The following ZNF583 variants were observed in gnomAD, a reference collection of about 807,000 sequenced individuals.
ZNF583 encodes the protein zinc finger protein 583.
Under a neutral mutation model 55.3 loss-of-function variants are expected in ZNF583, and 30 were observed. The ratio of observed to expected loss-of-function variants is 0.54; its 90% CI spans 0.41 to 0.74. The LOEUF is 0.74. ZNF583 is among the 30% of genes least tolerant of loss of function. The pLI, the probability that ZNF583 is intolerant of heterozygous loss-of-function variation, is 0.00. For synonymous variants in ZNF583, 208 were observed against 220.0 expected, an observed-to-expected ratio of 0.95 and a Z score of 0.48; for missense variants, 504 against 664.7, an observed-to-expected ratio of 0.76 and a Z score of 2.66.
Position 56,423,177 on chromosome 19 carries a change from A to G in ZNF583, c.519A>G (p.Ile173Met). The change falls in exon 5 of 5, where the codon ATA becomes ATG. Residue 173 changes from isoleucine (I) to methionine (M), a missense_variant. Ile to Met is a conservative substitution (Grantham distance 10). Around this residue, in one of 3 missense-constraint regions of ZNF583, gnomAD observed 204 missense variants for 235.2 expected, o/e 0.87. Transcript: ENST00000333201. ...TCCACCAGGATACAATCTTTGATATACAACAGAGTTTTCCCACCAAAGAAA... is the reference window on the plus strand; with the variant it reads ...TCCACCAGGATACAATCTTTGATATGCAACAGAGTTTTCCCACCAAAGAAA... Reference protein sequence around the residue: ...QTFHQDTIFDIQQSFPTKEKA... With the variant: ...QTFHQDTIFDMQQSFPTKEKA... 1 of 1,613,216 alleles carries G rather than the reference A, an allele frequency of 6.2e-7. No homozygotes were observed. The highest frequency in any genetic ancestry group is 8.5e-7 in the Non-Finnish European group (1 of 1,179,912).
chr19:56,410,608 A>G (rs183157707), intron 2 of ZNF583, among the ~76,000 whole-genome samples: 3 of 152,286 alleles, frequency 2.0e-5, no homozygotes, highest in Admixed American at 2.0e-4. Flanking sequence ...AAGCTGAGGC[A>G]GGAGAATTGC....
chr19:56,425,019 G>A lies in ZNF583; in HGVS notation c.*651G>A, dbSNP rs1461323102. The A allele has an allele frequency of 6.6e-6, 1 of 151,476 alleles. No individual in the cohort carries two copies. The allele number at this position is 151,476 out of a possible 1,614,324, so 9.4% of individuals were successfully genotyped here. A position where few individuals can be genotyped will look rare whatever the true frequency, so the allele number is the denominator to read the frequency against. On this transcript the variant is annotated 3_prime_UTR_variant, in exon 5 of 5. Coordinates refer to ENST00000333201, the MANE Select transcript of ZNF583 (RefSeq NM_152478.3). ...CATGATTATCTCAGAAATAAAAAGA[G>A]ATGCAGCAGCTCAGGACTGAGAGAT...
chr19:56,407,098 C>G lies in ZNF583; in HGVS notation c.-17C>G, dbSNP rs2042165810. ...AGTAGGACAGAAGAACTGTCAAATT[C>G]TGGAATCCTTAAAGCCATGTCCAAG... On this transcript the variant is annotated 5_prime_UTR_variant, in exon 2 of 5. Transcript: ENST00000333201. The G allele has an allele frequency of 6.2e-7, 1 of 1,614,018 alleles. No homozygotes were observed. Among genetic ancestry groups the G allele is most frequent in the African/African-American group, 1.3e-5 (1 of 74,926 alleles).
At chr19:56,422,750 T>C in intron 4 of ZNF583, 141 bp from the exon 5 acceptor site, 2 of 547,808 alleles carry the variant, frequency 3.7e-6, no homozygotes, top group South Asian at 6.5e-5. Context: ...AAATTCTTAT[T>C]ATTTATAATG....
intron 4 of ZNF583, among the ~76,000 whole-genome samples, chr19:56,418,534 A>T (rs976770305): frequency 2.6e-5 from 4 of 152,204 alleles, no homozygotes; most frequent in African/African-American, 9.6e-5. Flanking sequence ...AATAAATAGA[A>T]TTTTTTTTAA....
At chr19:56,422,498 T>G (rs981389123) in intron 4 of ZNF583, among the ~76,000 whole-genome samples, 1 of 152,154 alleles carries the variant, frequency 6.6e-6, no homozygotes, top group African/African-American at 2.4e-5. Flanking sequence ...CTGCCTACTG[T>G]TGTTTTTAGG....
At chr19:56,422,763 A>G (rs2147611465) in intron 4 of ZNF583, 128 bp from the exon 5 acceptor site, 1 of 587,890 alleles carries the variant, frequency 1.7e-6, no homozygotes, top group East Asian at 3.1e-5. Context: ...TTATAATGTC[A>G]TTATTTTAGA....
chr19:56,406,748 C>T (rs1044554843), intron 1 of ZNF583, among the ~76,000 whole-genome samples: 6 of 152,004 alleles, frequency 3.9e-5, no homozygotes, highest in African/African-American at 1.2e-4. Context: ...AGGATGGTCT[C>T]GATCTCCTGA....
rs745829424 is a variant in ZNF583 at position 56,404,625 on chromosome 19, G to T, written c.-90+173G>T. On this transcript the variant is annotated intron_variant, in intron 1 of 4. Coordinates refer to ENST00000333201, the MANE Select transcript of ZNF583 (RefSeq NM_152478.3). This position sits in a 1 kb window ranked among gnomAD's most constrained non-coding sequence, Gnocchi z 5.2. ...TGTGACTGTGTGAGAATTTGAGACC[G>T]TGTGTGACAGTGTGAGAATGTGAGG... Among the ~76,000 whole-genome samples, 5 of 152,168 alleles carry T rather than the reference G, an allele frequency of 3.3e-5. No homozygotes were observed. Among genetic ancestry groups the T allele is most frequent in the Admixed American group, 6.5e-5 (1 of 15,278 alleles).
At position 56,406,880 on chromosome 19, in the gene ZNF583, A is replaced by G. The variant is rs565271514; in HGVS notation, c.-89-146A>G. On this transcript the variant is annotated intron_variant, in intron 1 of 4. Transcript: ENST00000333201. ...ATGTGGGAAAAAGAATTGTAAATTT[A>G]GATATAAATGAATTGCTCAGTGATA... 6.2e-6 allele frequency: 3 copies of G among 483,750 alleles called. No homozygotes were observed. The East Asian group carries it at 9.8e-5, about 16-fold the overall frequency. The allele number at this position is 483,750 out of a possible 1,614,324, so 30.0% of individuals were successfully genotyped here. A position where few individuals can be genotyped will look rare whatever the true frequency, so the allele number is the denominator to read the frequency against.
At chr19:56,411,120 G>A (rs1447193319) in intron 2 of ZNF583, among the ~76,000 whole-genome samples, 4 of 139,618 alleles carry the variant, frequency 2.9e-5, no homozygotes, top group African/African-American at 8.1e-5. Flanking sequence ...GACATCATCT[G>A]TACCAAAAAA....
At chr19:56,410,216 T>C (rs2042216076) in intron 2 of ZNF583, among the ~76,000 whole-genome samples, 1 of 152,208 alleles carries the variant, frequency 6.6e-6, no homozygotes, top group Non-Finnish European at 1.5e-5. Context: ...AACACTTTAC[T>C]CCCACCCTGA....
At chr19:56,415,403 G>A (rs2042305029) in intron 4 of ZNF583, among the ~76,000 whole-genome samples, 1 of 152,036 alleles carries the variant, frequency 6.6e-6, no homozygotes, top group Non-Finnish European at 1.5e-5. Context: ...TTAGAAGATG[G>A]GGGCTCAGAA....
intron 4 of ZNF583, among the ~76,000 whole-genome samples, chr19:56,419,377 A>G (rs2042378719): frequency 1.3e-5 from 2 of 151,752 alleles, no homozygotes; most frequent in Non-Finnish European, 1.5e-5. Flanking sequence ...TGTATTTTTT[A>G]GTAGAGATGG....
chr19:56,413,936 A>G (rs1335796362), intron 2 of ZNF583, 23 bp from the exon 3 acceptor site: 1 of 1,613,856 alleles, frequency 6.2e-7, no homozygotes. Flanking sequence ...TAGTTGAGCA[A>G]GAATGTGTTT....
chr19:56,421,590 G>T, intron 4 of ZNF583: 1 of 775,998 alleles, frequency 1.3e-6, no homozygotes, highest in Non-Finnish European at 1.6e-6. Context: ...TAAGTTTAGT[G>T]GTAATATTCC....
intron 4 of ZNF583, among the ~76,000 whole-genome samples, chr19:56,417,217 G>C (rs2042340512): frequency 6.6e-6 from 1 of 152,100 alleles, no homozygotes; most frequent in African/African-American, 2.4e-5. Context: ...TACTTAAGAT[G>C]GAAGAACTGA....
chr19:56,407,506 G>A (rs145352705), intron 2 of ZNF583, among the ~76,000 whole-genome samples: 153 of 152,356 alleles, frequency 1.0e-3, no homozygotes, highest in African/African-American at 2.9e-3. Context: ...TTGAAAAGAA[G>A]GCAAGACAGG....
intron 1 of ZNF583, among the ~76,000 whole-genome samples, chr19:56,406,740 G>T (rs1242214844): frequency 6.6e-6 from 1 of 152,050 alleles, no homozygotes; most frequent in Admixed American, 6.5e-5. Flanking sequence ...TGTTAGCCAG[G>T]ATGGTCTCGA....
Sources: allele counts gnomAD v4.1 joint callset (sites outside exome capture counted in the v4.1 genomes callset), GRCh38; gene constraint gnomAD v4.1.1; regional missense constraint gnomAD v4.1.1; non-coding constraint Gnocchi (gnomAD v3.1); transcripts MANE v1.5; gene names NCBI Gene and HGNC (gene_info 2026-07-23, HGNC 2026-07-21).